Variants in KCNIP4 observed in about 807,000 individuals in gnomAD.
KCNIP4 encodes Kv channel-interacting protein 4.
In KCNIP4, 12 loss-of-function variants were observed where a neutral mutation model predicts 34.0. The observed-to-expected ratio is 0.35, with a 90% CI of 0.23 to 0.57. The LOEUF is 0.57. Ranked by LOEUF, KCNIP4 falls within the 20% of genes least tolerant of loss-of-function variation. The probability of loss-of-function intolerance (pLI) is 0.83; values close to 1 mark genes in which losing one functional copy is unlikely to be tolerated. For synonymous variants in KCNIP4, 124 were observed against 102.2 expected, an observed-to-expected ratio of 1.21 and a Z score of -1.29; for missense variants, 238 against 311.7, an observed-to-expected ratio of 0.76 and a Z score of 1.78.
intron 1 of KCNIP4, among the ~76,000 whole-genome samples, chr4:21,914,999 GA>G (rs201805759): frequency 3.3e-5 from 5 of 150,442 alleles, no homozygotes; most frequent in South Asian, 2.1e-4. Context: ...GTACGCATTT[GA>G]AAAAAAAATC....
chr4:20,754,333 T>C (rs1291124679), intron 4 of KCNIP4, among the ~76,000 whole-genome samples: 2 of 152,174 alleles, frequency 1.3e-5, no homozygotes, highest in African/African-American at 4.8e-5. Context: ...CAAAGCACTT[T>C]CCTGGAGGAA....
chr4:21,291,853 CAAAAA>C (rs754018961), intron 1 of KCNIP4, among the ~76,000 whole-genome samples: 1,024 of 25,824 alleles, frequency 0.04, 50 homozygotes, highest in Middle Eastern at 0.087. Flanking sequence ...GACTCCGCCT[CAAAAA>C]AAAAAAAAAA....
At chr4:21,655,732 A>G (rs1034387467) in intron 1 of KCNIP4, among the ~76,000 whole-genome samples, 1 of 152,222 alleles carries the variant, frequency 6.6e-6, no homozygotes, top group East Asian at 1.9e-4. Flanking sequence ...CATGCATGCT[A>G]AATAAATGCT....
intron 1 of KCNIP4, among the ~76,000 whole-genome samples, chr4:21,018,273 G>A (rs969459728): frequency 7.2e-5 from 11 of 152,122 alleles, no homozygotes; most frequent in Non-Finnish European, 1.6e-4. Context: ...TATTCAACAA[G>A]TATCTGTTGA....
chr4:21,359,278 T>G (rs771966984), intron 1 of KCNIP4, among the ~76,000 whole-genome samples: 1 of 152,068 alleles, frequency 6.6e-6, no homozygotes, highest in African/African-American at 2.4e-5. Flanking sequence ...GCTCCCCTGG[T>G]TCTCTGGCCT....
At chr4:21,057,861 G>T (rs1304498113) in intron 1 of KCNIP4, among the ~76,000 whole-genome samples, 1 of 152,158 alleles carries the variant, frequency 6.6e-6, no homozygotes. Context: ...GGTTCTCATT[G>T]TTATAGCATG....
At chr4:21,681,868 C>T (rs1244248676) in intron 1 of KCNIP4, among the ~76,000 whole-genome samples, 2 of 148,332 alleles carry the variant, frequency 1.3e-5, no homozygotes, top group Non-Finnish European at 3.0e-5. Context: ...GAGGGGAATG[C>T]CACACTTTTT....
intron 1 of KCNIP4, among the ~76,000 whole-genome samples, chr4:21,663,418 C>T (rs566243341): frequency 9.2e-5 from 14 of 152,092 alleles, no homozygotes; most frequent in East Asian, 1.9e-4. Context: ...ACATGGGGAG[C>T]GGAGTGTAAG....
chr4:20,819,336 C>A (rs1716818416), intron 3 of KCNIP4, among the ~76,000 whole-genome samples: 1 of 151,928 alleles, frequency 6.6e-6, no homozygotes, highest in Non-Finnish European at 1.5e-5. Context: ...GACTGAAGAC[C>A]CAAAGATGAA....
At chr4:20,864,045 C>T (rs114411207) in intron 2 of KCNIP4, among the ~76,000 whole-genome samples, 1,879 of 133,396 alleles carry the variant, frequency 0.014, 41 homozygotes, top group African/African-American at 0.041. Flanking sequence ...TATGTATACG[C>T]ATGTATGTAT....
In KCNIP4 at chr4:21,372,752, G is replaced by A. The variant is rs11942430; in HGVS notation, c.62-490043C>T. 1.7e-3 allele frequency among the ~76,000 whole-genome samples: 254 copies of A among 146,336 alleles called. 47 individuals are homozygous for A. Among genetic ancestry groups the A allele is most frequent in the African/African-American group, 6.8e-3 (248 of 36,314 alleles). On this transcript the variant is annotated intron_variant, in intron 1 of 8. Transcript: ENST00000382152. Reference sequence around the variant, plus strand: ...AATCCAAAATTACTACAAGGAATATGAACTAAAAAAGCCAAAAGAGGCTAT... The same window carrying A: ...AATCCAAAATTACTACAAGGAATATAAACTAAAAAAGCCAAAAGAGGCTAT...
intron 1 of KCNIP4, among the ~76,000 whole-genome samples, chr4:21,532,101 G>A (rs1318930950): frequency 5.3e-5 from 8 of 152,038 alleles, no homozygotes; most frequent in Admixed American, 5.2e-4. Flanking sequence ...TTGAGTCTTG[G>A]AACACTTAAC....
At chr4:20,945,601 G>T (rs1168652718) in intron 1 of KCNIP4, among the ~76,000 whole-genome samples, 1 of 152,116 alleles carries the variant, frequency 6.6e-6, no homozygotes, top group Non-Finnish European at 1.5e-5. Context: ...GAGTGTGTGT[G>T]TGAGCAGGAG....
At chr4:21,592,138 T>A (rs1431605850) in intron 1 of KCNIP4, among the ~76,000 whole-genome samples, 3 of 152,042 alleles carry the variant, frequency 2.0e-5, no homozygotes, top group African/African-American at 2.4e-5. Context: ...GAGAGAAGCA[T>A]TGAAATTATC....
At chr4:21,560,520 C>T (rs1739424297) in intron 1 of KCNIP4, among the ~76,000 whole-genome samples, 2 of 151,958 alleles carry the variant, frequency 1.3e-5, no homozygotes, top group Admixed American at 1.3e-4. Flanking sequence ...CACAAAATAG[C>T]CTTAGTTATT....
At chr4:21,924,624 A>T (rs1484659480) in intron 1 of KCNIP4, among the ~76,000 whole-genome samples, 1 of 152,132 alleles carries the variant, frequency 6.6e-6, no homozygotes, top group Non-Finnish European at 1.5e-5. Flanking sequence ...TTTTTCTCTT[A>T]TCTGCAAGAG....
intron 1 of KCNIP4, chr4:21,847,767 T>A (rs891174196): frequency 6.6e-6 from 1 of 152,148 alleles, no homozygotes; most frequent in Non-Finnish European, 1.5e-5. Context: ...CACCTTTTTT[T>A]ATCTTTTCTG....
intron 1 of KCNIP4, among the ~76,000 whole-genome samples, chr4:20,992,109 C>T (rs190388493): frequency 7.2e-5 from 11 of 152,216 alleles, no homozygotes; most frequent in East Asian, 3.9e-4. Flanking sequence ...TGTGTTAGTC[C>T]GTTCTCATAC....
At chr4:20,820,354 A>G (rs1442838787) in intron 3 of KCNIP4, among the ~76,000 whole-genome samples, 1 of 152,224 alleles carries the variant, frequency 6.6e-6, no homozygotes, top group East Asian at 1.9e-4. Context: ...AGAAGCTGTG[A>G]GCAATGAACT....
Sources: gnomAD v4.1 joint callset for allele counts (sites outside exome capture counted in the v4.1 genomes callset) on GRCh38, gnomAD v4.1.1 for gene constraint, MANE v1.5 for transcripts, NCBI Gene and HGNC (gene_info 2026-07-23, HGNC 2026-07-21) for gene names.